Variants in KCNB2 observed in about 807,000 individuals in gnomAD.
KCNB2 encodes potassium voltage-gated channel subfamily B member 2.
In KCNB2, 15 loss-of-function variants were observed where a neutral mutation model predicts 61.5. That is an observed-to-expected ratio of 0.24 (90% CI 0.16 to 0.38). KCNB2 has a LOEUF of 0.38. KCNB2 is among the 10% of genes least tolerant of loss of function. The probability of loss-of-function intolerance (pLI) is 1.00; values close to 1 mark genes in which losing one functional copy is unlikely to be tolerated. For synonymous variants in KCNB2, 457 were observed against 446.0 expected (o/e 1.02, Z -0.31); for missense variants, 828 against 1,125.2 (o/e 0.74, Z 3.78).
chr8:72,708,588 G>A (rs1807273387), intron 2 of KCNB2, among the ~76,000 whole-genome samples: 1 of 152,144 alleles, frequency 6.6e-6, no homozygotes, highest in Admixed American at 6.5e-5. Flanking sequence ...CTGTACCAGT[G>A]TTAATTATTC....
At chr8:72,589,894 A>G (rs1807066659) in intron 2 of KCNB2, among the ~76,000 whole-genome samples, 1 of 152,250 alleles carries the variant, frequency 6.6e-6, no homozygotes, top group Non-Finnish European at 1.5e-5. Context: ...CTGGTGGTCT[A>G]GCCTGAGCAT....
intron 2 of KCNB2, among the ~76,000 whole-genome samples, chr8:72,758,531 G>A (rs1351748237): frequency 6.6e-6 from 1 of 152,134 alleles, no homozygotes; most frequent in Non-Finnish European, 1.5e-5. Flanking sequence ...ATCCAAGCCT[G>A]TTTTTAGATG....
intron 2 of KCNB2, among the ~76,000 whole-genome samples, chr8:72,643,324 T>C (rs549618535): frequency 1.3e-5 from 2 of 152,266 alleles, no homozygotes; most frequent in Admixed American, 6.5e-5. Context: ...GGGCTAGAAC[T>C]CCCTGGTAAG....
chr8:72,548,915 A>G (rs1806303867), intron 1 of KCNB2, among the ~76,000 whole-genome samples: 1 of 152,088 alleles, frequency 6.6e-6, no homozygotes, highest in Non-Finnish European at 1.5e-5. Flanking sequence ...TTAATGAGAT[A>G]TTTACTGCAA....
At chr8:72,621,962 T>G (rs1199440315) in intron 2 of KCNB2, among the ~76,000 whole-genome samples, 1 of 152,204 alleles carries the variant, frequency 6.6e-6, no homozygotes, top group Non-Finnish European at 1.5e-5. Flanking sequence ...CCTGCTCTAT[T>G]AGACCCTCAG....
intron 2 of KCNB2, among the ~76,000 whole-genome samples, chr8:72,833,794 GA>G (rs1259575296): frequency 6.6e-6 from 1 of 152,158 alleles, no homozygotes; most frequent in African/African-American, 2.4e-5. Context: ...TTGAGAGGAA[GA>G]AAAGTTAGAA....
intron 2 of KCNB2, among the ~76,000 whole-genome samples, chr8:72,782,635 T>C (rs977159696): frequency 6.6e-6 from 1 of 152,114 alleles, no homozygotes; most frequent in Non-Finnish European, 1.5e-5. Flanking sequence ...CCCCCATCCT[T>C]CTAAGCTATC....
chr8:72,853,181 A>C (rs1311169053), intron 2 of KCNB2, among the ~76,000 whole-genome samples: 1 of 152,164 alleles, frequency 6.6e-6, no homozygotes, highest in East Asian at 1.9e-4. Flanking sequence ...CACTCCCTCA[A>C]CTGCTCAGAG....
chr8:72,936,875 C>T lies in KCNB2; in HGVS notation c.1520C>T (p.Ser507Phe), dbSNP rs1489210299. 6.2e-7 allele frequency: 1 copy of T among 1,614,042 alleles called. No homozygotes were observed. The highest frequency in any genetic ancestry group is 8.5e-7 in the Non-Finnish European group (1 of 1,180,032). ...CTGTCGGAAACAAGCTCCAACAAGT[C>T]TTTCGAGAATAAGTACCAGGAGGTT... is the stretch of plus-strand genomic sequence containing the variant. The part of the protein sequence containing the change: ...KALSETSSNK[S>F]FENKYQEVSQ... Residue 507 changes from serine (S) to phenylalanine (F), a missense_variant, in exon 3 of 3, where the codon TCT becomes TTT. This residue lies in a region of KCNB2 where 559 missense variants were observed against 588.4 expected (regional missense o/e 0.95). Transcript: ENST00000523207. The surrounding 1 kb of genome is among the most constrained non-coding windows in gnomAD (Gnocchi z 5.6).
At chr8:72,564,557 G>T (rs1229968578) in intron 1 of KCNB2, among the ~76,000 whole-genome samples, 1 of 152,208 alleles carries the variant, frequency 6.6e-6, no homozygotes, top group Admixed American at 6.5e-5. Flanking sequence ...TCCACATTCA[G>T]ATTCATCACT....
At chr8:72,544,809 A>G (rs867071863) in intron 1 of KCNB2, among the ~76,000 whole-genome samples, 2 of 152,180 alleles carry the variant, frequency 1.3e-5, no homozygotes, top group South Asian at 4.1e-4. Flanking sequence ...GGGGACCCAA[A>G]TCTTGCTCTT....
rs575972139 is a variant in KCNB2, at chr8:72,895,274, G to A, written c.580-40661G>A. Among the ~76,000 whole-genome samples, 3 of 152,278 alleles carry A rather than the reference G, an allele frequency of 2.0e-5. No individual in the cohort carries two copies. The South Asian group carries it at 6.2e-4, about 32-fold the overall frequency. ...AGGGAGATTATCCTGGATTATCCAG[G>A]TGGGCCCCAGGTAATCACAAGGGTG... On this transcript the variant is annotated intron_variant, in intron 2 of 2. Coordinates refer to ENST00000523207, the MANE Select transcript of KCNB2 (RefSeq NM_004770.3).
At position 72,695,545 on chromosome 8, in the gene KCNB2, G is replaced by A. The variant is rs148531840; in HGVS notation, c.579+127232G>A. 1.6e-3 allele frequency among the ~76,000 whole-genome samples: 240 copies of A among 152,018 alleles called. 1 individual carries two copies. The highest frequency in any genetic ancestry group is 5.4e-3 in the African/African-American group (223 of 41,514). On this transcript the variant is annotated intron_variant, in intron 2 of 2. Coordinates refer to ENST00000523207, the MANE Select transcript of KCNB2 (RefSeq NM_004770.3). ...TTAATCAAGTAATCTAACAAAATGT[G>A]CATTTAAAAAAAAGAGAGTCTTCTT... is the stretch of plus-strand genomic sequence containing the variant.
At chr8:72,790,649 G>T (rs1259813533) in intron 2 of KCNB2, among the ~76,000 whole-genome samples, 4 of 152,068 alleles carry the variant, frequency 2.6e-5, no homozygotes, top group African/African-American at 9.7e-5. Flanking sequence ...AGAGAGAACG[G>T]GTGGTTTTTT....
intron 2 of KCNB2, among the ~76,000 whole-genome samples, chr8:72,734,584 C>T (rs1408726639): frequency 1.3e-5 from 2 of 152,130 alleles, no homozygotes; most frequent in African/African-American, 2.4e-5. Context: ...ATCCATAATA[C>T]GATACCAGGT....
intron 2 of KCNB2, among the ~76,000 whole-genome samples, chr8:72,884,729 T>C (rs151196902): frequency 6.6e-6 from 1 of 152,320 alleles, no homozygotes; most frequent in East Asian, 1.9e-4. Flanking sequence ...TTTTCATGTA[T>C]GTTTGCGACT....
At chr8:72,735,053 G>T (rs937982691) in intron 2 of KCNB2, among the ~76,000 whole-genome samples, 6 of 152,052 alleles carry the variant, frequency 3.9e-5, no homozygotes, top group Admixed American at 2.6e-4. Context: ...TGGAAAGCAG[G>T]GCCCCTTTGT....
At chr8:72,588,531 G>A (rs140100487) in intron 2 of KCNB2, among the ~76,000 whole-genome samples, 247 of 152,074 alleles carry the variant, frequency 1.6e-3, no homozygotes, top group Middle Eastern at 6.8e-3. Flanking sequence ...AAGCCACCAC[G>A]CCTGCCAGCT....
chr8:72,887,598 C>G (rs34596506), intron 2 of KCNB2, among the ~76,000 whole-genome samples: 1 of 152,202 alleles, frequency 6.6e-6, no homozygotes, highest in Non-Finnish European at 1.5e-5. Context: ...CCCCTACACA[C>G]AGGAGGAGCT....
Sources: gnomAD v4.1 joint callset for allele counts (sites outside exome capture counted in the v4.1 genomes callset) on GRCh38, gnomAD v4.1.1 for gene constraint, gnomAD v4.1.1 regional missense constraint, Gnocchi (gnomAD v3.1) non-coding constraint, MANE v1.5 for transcripts, NCBI Gene and HGNC (gene_info 2026-07-23, HGNC 2026-07-21) for gene names.